WDR27: variants seen among roughly 807,000 people sequenced by gnomAD.
The protein encoded by WDR27 is WD repeat-containing protein 27.
Under a neutral mutation model 114.4 loss-of-function variants are expected in WDR27, and 100 were observed. The ratio of observed to expected loss-of-function variants is 0.87; its 90% confidence interval spans 0.74 to 1.03. WDR27 has a LOEUF of 1.03. Ranked by LOEUF, WDR27 falls within the 50% of genes least tolerant of loss-of-function variation. The pLI, the probability that WDR27 is intolerant of heterozygous loss-of-function variation, is 0.00. For synonymous variants in WDR27, 449 were observed against 423.1 expected (o/e 1.06, Z -0.75); for missense variants, 1,129 against 1,092.9 (o/e 1.03, Z -0.47).
At chr6:169,441,167 T>C in the WDR27 span, among the ~76,000 whole-genome samples, 1 of 152,116 alleles carries the variant, frequency 6.6e-6, no homozygotes, top group African/African-American at 2.4e-5. Context: ...AGAAAGGTTT[T>C]GGTTGTTTCA....
At chr6:169,644,691 A>T (rs1584851193) in intron 16 of WDR27, among the ~76,000 whole-genome samples, 1 of 150,998 alleles carries the variant, frequency 6.6e-6, no homozygotes, top group African/African-American at 2.4e-5. Context: ...ACTGTAGAAA[A>T]TCCTAGTTCA....
chr6:169,656,019 G>A (rs1824088542), intron 13 of WDR27, among the ~76,000 whole-genome samples: 2 of 152,010 alleles, frequency 1.3e-5, no homozygotes, highest in South Asian at 4.2e-4. Context: ...ACTGCACCCA[G>A]CTGGAGAGTT....
intron 25 of WDR27, among the ~76,000 whole-genome samples, chr6:169,535,919 A>G (rs1796148752): frequency 1.3e-5 from 2 of 152,218 alleles, no homozygotes; most frequent in African/African-American, 4.8e-5. Flanking sequence ...GGGCCAATCC[A>G]CTGTTCCAGA....
intron 21 of WDR27, among the ~76,000 whole-genome samples, chr6:169,615,636 G>A (rs1185045272): frequency 6.6e-6 from 1 of 152,148 alleles, no homozygotes; most frequent in African/African-American, 2.4e-5. Context: ...ATCAACTCAA[G>A]ATGGATTAGA....
In WDR27 at chr6:169,546,013, A is replaced by G. The variant is rs552871240; in HGVS notation, c.2645+26406T>C. 1.1e-4 allele frequency among the ~76,000 whole-genome samples: 17 copies of G among 152,262 alleles called. No individual in the cohort carries two copies. In the East Asian group the frequency reaches 3.3e-3, roughly 29 times the overall value. On this transcript the variant is annotated intron_variant, in intron 25 of 25. Transcript: ENST00000448612. ...GCTTACACAGATGACAAATAAGCACATTAAAGATGCTCAGCCTCGCCGGCC... is the reference window on the plus strand; with the variant it reads ...GCTTACACAGATGACAAATAAGCACGTTAAAGATGCTCAGCCTCGCCGGCC...
At chr6:169,647,749 C>G (rs1221745658) in intron 16 of WDR27, 24 bp downstream of exon 16, 1 of 1,544,678 alleles carries the variant, frequency 6.5e-7, no homozygotes, top group East Asian at 2.4e-5. Flanking sequence ...AAATGCTACC[C>G]AGCTCCCGCA....
Position 169,466,036 on chromosome 6 carries a change from C to A in WDR27, c.2646-8402G>T, listed in dbSNP as rs536690234. ...GATGAATTTTATGTGTATTTTACCA[C>A]AATAGAAAATTGGGAAAAGAAATAC... On this transcript the variant is annotated intron_variant, in intron 25 of 25. Transcript: ENST00000448612. 1.4e-3 allele frequency among the ~76,000 whole-genome samples: 208 copies of A among 152,264 alleles called. 4 individuals carry two copies. The South Asian group carries it at 0.017, about 13-fold the overall frequency.
chr6:169,643,294 T>TAA (rs201317889), intron 17 of WDR27, among the ~76,000 whole-genome samples: 5 of 151,718 alleles, frequency 3.3e-5, no homozygotes, highest in African/African-American at 1.2e-4. Context: ...CTACTTTTTT[T>TAA]AAAAAAAAAT....
intron 16 of WDR27, among the ~76,000 whole-genome samples, chr6:169,646,645 C>T (rs1171072937): frequency 6.6e-6 from 1 of 151,416 alleles, no homozygotes; most frequent in Non-Finnish European, 1.5e-5. Context: ...CTACGCGTGA[C>T]GCTGAGGCAG....
intron 25 of WDR27, among the ~76,000 whole-genome samples, chr6:169,499,275 A>G (rs1275964775): frequency 6.6e-6 from 1 of 152,242 alleles, no homozygotes; most frequent in Non-Finnish European, 1.5e-5. Flanking sequence ...GCAGAAGGCT[A>G]CACACGCGGA....
intron 22 of WDR27, among the ~76,000 whole-genome samples, chr6:169,611,745 C>T (rs987093249): frequency 3.3e-5 from 5 of 152,136 alleles, no homozygotes; most frequent in African/African-American, 4.8e-5. Flanking sequence ...TGCATGGAGT[C>T]GGGATCATCA....
chr6:169,668,384 C>A (rs1585046344), intron 4 of WDR27, among the ~76,000 whole-genome samples, 199 bp from the exon 5 acceptor site: 1 of 152,272 alleles, frequency 6.6e-6, no homozygotes, highest in East Asian at 1.9e-4. Context: ...AATCCTGTCT[C>A]CCCACCGGCT....
chr6:169,697,509 G>A (rs553922502), intron 1 of WDR27, among the ~76,000 whole-genome samples: 9 of 152,254 alleles, frequency 5.9e-5, no homozygotes, highest in African/African-American at 1.4e-4. Context: ...AGTCAGGCTC[G>A]CCCACTGTAA....
At chr6:169,625,433 G>A (rs1245501882) in intron 21 of WDR27, among the ~76,000 whole-genome samples, 2 of 152,222 alleles carry the variant, frequency 1.3e-5, no homozygotes, top group Non-Finnish European at 2.9e-5. Flanking sequence ...TCCTGGGGTG[G>A]TGGTGGAGAC....
chr6:169,640,728 G>A (rs75152485), intron 17 of WDR27, among the ~76,000 whole-genome samples: 6,029 of 152,362 alleles, frequency 0.04, 137 homozygotes, highest in Middle Eastern at 0.092. Context: ...AGGGCCTGAC[G>A]TATCTGCCCG....
intron 21 of WDR27, among the ~76,000 whole-genome samples, chr6:169,629,020 A>G (rs1475107416): frequency 1.3e-5 from 2 of 152,258 alleles, no homozygotes; most frequent in Non-Finnish European, 2.9e-5. Flanking sequence ...ACCCTTTAAC[A>G]GAGAAAAGCT....
chr6:169,624,287 G>A (rs1210446745), intron 21 of WDR27, among the ~76,000 whole-genome samples: 1 of 152,050 alleles, frequency 6.6e-6, no homozygotes, highest in Non-Finnish European at 1.5e-5. Context: ...TCAGGTGTGT[G>A]GCGTCAGGTG....
At chr6:169,600,047 T>C (rs1391762169) in intron 23 of WDR27, among the ~76,000 whole-genome samples, 1 of 152,182 alleles carries the variant, frequency 6.6e-6, no homozygotes, top group Non-Finnish European at 1.5e-5. Flanking sequence ...AGCAGGTTGT[T>C]CAGTTTCCAT....
In WDR27 at chr6:169,659,563, T is replaced by G; in HGVS notation, c.1130-45A>C. 6 of 1,558,740 alleles carry G rather than the reference T, an allele frequency of 3.8e-6. No homozygotes were observed. Among genetic ancestry groups the G allele is most frequent in the Non-Finnish European group, 5.2e-6 (6 of 1,145,750 alleles). ...AGGAAGAACATGATGGGGAGGGAGG[T>G]AGCACATACACACGGAGTCACTGCC... On this transcript the variant is annotated intron_variant, in intron 10 of 25. Coordinates refer to ENST00000448612, the MANE Select transcript of WDR27 (RefSeq NM_182552.5). This position sits in a 1 kb window ranked among gnomAD's most constrained non-coding sequence, Gnocchi z 4.3.
Sources: gnomAD v4.1 joint callset for allele counts (sites outside exome capture counted in the v4.1 genomes callset) on GRCh38, gnomAD v4.1.1 for gene constraint, Gnocchi (gnomAD v3.1) non-coding constraint, MANE v1.5 for transcripts, NCBI Gene and HGNC (gene_info 2026-07-23, HGNC 2026-07-21) for gene names.